The following RHOBTB1 variants were observed in gnomAD, a reference collection of about 807,000 sequenced individuals.
The protein encoded by RHOBTB1 is rho-related BTB domain-containing protein 1.
A neutral mutation model predicts 71.6 loss-of-function variants in RHOBTB1; 40 were observed. The observed-to-expected ratio is 0.56, with a 90% CI of 0.43 to 0.73. The LOEUF (loss-of-function observed/expected upper bound fraction) is 0.73. Among genes scored for constraint, RHOBTB1 ranks in the 30% least tolerant of loss-of-function variants. RHOBTB1 has a pLI of 0.00. For synonymous variants in RHOBTB1, 319 were observed against 334.9 expected, an observed-to-expected ratio of 0.95 and a Z score of 0.52; for missense variants, 797 against 894.0, an observed-to-expected ratio of 0.89 and a Z score of 1.38.
chr10:60,971,813 T>C, intron 2 of RHOBTB1, among the ~76,000 whole-genome samples: 1 of 152,056 alleles, frequency 6.6e-6, no homozygotes, highest in East Asian at 1.9e-4. Context: ...ACTGCTAATA[T>C]CCAGAATCTA....
chr10:60,922,683 C>T (rs1156374326), intron 2 of RHOBTB1, among the ~76,000 whole-genome samples: 3 of 152,216 alleles, frequency 2.0e-5, no homozygotes, highest in African/African-American at 7.2e-5. Flanking sequence ...TTCCCAGTGG[C>T]TCCAATAGGA....
At chr10:60,932,455 G>T (rs191212945) in intron 2 of RHOBTB1, among the ~76,000 whole-genome samples, 2 of 140,260 alleles carry the variant, frequency 1.4e-5, no homozygotes, top group Non-Finnish European at 3.0e-5. Flanking sequence ...TCATCAAGCT[G>T]TACATTTGCG....
chr10:60,947,966 G>A (rs551036911), upstream of RHOBTB1, among the ~76,000 whole-genome samples: 35 of 152,268 alleles, frequency 2.3e-4, no homozygotes, highest in African/African-American at 7.7e-4. Flanking sequence ...ATCCTCACTA[G>A]CATTTGTATT....
rs575469261 is a variant in RHOBTB1 at position 60,967,145 on chromosome 10, T to C, written c.-62+18700A>G. On this transcript the variant is annotated intron_variant, in intron 2 of 11. Coordinates refer to the RHOBTB1 transcript ENST00000357917. ...AGGTCGGAGACCTGAACGGTATGCA[T>C]TGGCCCTGTGAAAATCCAGGTAAAG... Among the ~76,000 whole-genome samples the C allele has an allele frequency of 4.1e-4, 62 of 152,066 alleles. 1 individual carries two copies. In the South Asian group the frequency reaches 6.9e-3, roughly 17 times the overall value.
At chr10:60,998,630 G>A (rs1478836958) in intron 1 of RHOBTB1, among the ~76,000 whole-genome samples, 1 of 152,054 alleles carries the variant, frequency 6.6e-6, no homozygotes, top group African/African-American at 2.4e-5. Flanking sequence ...GGAAGGGGGT[G>A]GAAAAAGGGG....
intron 1 of RHOBTB1, among the ~76,000 whole-genome samples, chr10:60,988,349 G>A (rs1050005606): frequency 6.6e-6 from 1 of 151,998 alleles, no homozygotes; most frequent in African/African-American, 2.4e-5. Context: ...TACATGTGCA[G>A]GTTTGTTACA....
intron 5 of RHOBTB1, among the ~76,000 whole-genome samples, chr10:60,891,786 C>T (rs77133633): frequency 0.06 from 9,050 of 152,050 alleles, 349 homozygotes; most frequent in East Asian, 0.098. Flanking sequence ...AACGTATTTC[C>T]CTCCACATGG....
intron 2 of RHOBTB1, among the ~76,000 whole-genome samples, chr10:60,914,209 G>A (rs567269079): frequency 1.3e-5 from 2 of 152,322 alleles, no homozygotes; most frequent in East Asian, 3.9e-4. Context: ...GAGGGGGCAG[G>A]GAGGAGGTCA....
chr10:60,879,825 C>A (rs1425688281), intron 7 of RHOBTB1, among the ~76,000 whole-genome samples: 1 of 152,136 alleles, frequency 6.6e-6, no homozygotes, highest in African/African-American at 2.4e-5. Context: ...CACTCAGGCA[C>A]ACACATGCAT....
At position 60,874,951 on chromosome 10, in the gene RHOBTB1, A is replaced by C; in HGVS notation, c.1815+3T>G. 1 of 1,610,450 alleles carries C rather than the reference A, an allele frequency of 6.2e-7. No individual in the cohort carries two copies. The highest frequency in any genetic ancestry group is 1.1e-5 in the South Asian group (1 of 91,002). ...AAAAGGTAAAAAGCAAACTGTTACA[A>C]ACCTGAGCCAATTCCAAGTAAGAGA... On this transcript the variant is annotated splice_donor_region_variant and intron_variant, in intron 9 of 10. Coordinates refer to ENST00000337910, the MANE Select transcript of RHOBTB1 (RefSeq NM_014836.5).
chr10:60,945,271 G>C (rs9787551), upstream of RHOBTB1, among the ~76,000 whole-genome samples: 138,815 of 152,196 alleles, frequency 0.91, 63,554 homozygotes, highest in East Asian at 1. Flanking sequence ...TTCAGCTACC[G>C]AGAGGAATGA....
chr10:60,874,976 A>AG lies in RHOBTB1; in HGVS notation c.1792dup (p.Leu598ProfsTer36). The AG allele has an allele frequency of 6.2e-7, 1 of 1,613,910 alleles. No individual in the cohort carries two copies. Among genetic ancestry groups the AG allele is most frequent in the Non-Finnish European group, 8.5e-7 (1 of 1,179,786 alleles). On this transcript the variant is annotated frameshift_variant, in exon 9 of 11. Coordinates refer to ENST00000337910, the MANE Select transcript of RHOBTB1 (RefSeq NM_014836.5). LOFTEE classifies it high-confidence loss of function. ...AACCTGAGCCAATTCCAAGTAAGAGAGCACTTCTCCGTCAATGCCCACGCC... is the reference window on the plus strand; with the variant it reads ...AACCTGAGCCAATTCCAAGTAAGAGAGGCACTTCTCCGTCAATGCCCACGCC...
intron 6 of RHOBTB1, among the ~76,000 whole-genome samples, chr10:60,887,742 A>G (rs1446103147): frequency 8.5e-5 from 13 of 152,176 alleles, no homozygotes; most frequent in Admixed American, 8.5e-4. Flanking sequence ...GAGATCACTG[A>G]TTTTTGTCAT....
chr10:60,999,377 G>T (rs1296475826), intron 1 of RHOBTB1, among the ~76,000 whole-genome samples: 1 of 152,150 alleles, frequency 6.6e-6, no homozygotes, highest in Non-Finnish European at 1.5e-5. Context: ...CAACAAAAAA[G>T]ATCCCTTGTA....
chr10:60,942,818 C>T (rs375131281), intron 1 of RHOBTB1, among the ~76,000 whole-genome samples: 3 of 151,854 alleles, frequency 2.0e-5, no homozygotes, highest in Admixed American at 1.3e-4. Context: ...ATCTGCTGCT[C>T]GTCAGAGGAC....
At chr10:60,945,049 C>A (rs138316357), upstream of RHOBTB1, among the ~76,000 whole-genome samples, 144 of 152,242 alleles carry the variant, frequency 9.5e-4, no homozygotes, top group African/African-American at 3.2e-3. Context: ...GAGGACAGAA[C>A]CAGGGGTAGT....
At chr10:60,862,548 T>C in the RHOBTB1 span, among the ~76,000 whole-genome samples, 1 of 151,480 alleles carries the variant, frequency 6.6e-6, no homozygotes, top group African/African-American at 2.4e-5. Flanking sequence ...CTTTCTTTCT[T>C]TCTTTCCTTT....
intron 2 of RHOBTB1, among the ~76,000 whole-genome samples, chr10:60,955,996 C>T (rs2085579118): frequency 6.6e-6 from 1 of 152,170 alleles, no homozygotes; most frequent in Admixed American, 6.6e-5. Flanking sequence ...TCTGGTAATA[C>T]AGTCATGCAT....
At chr10:60,929,476 T>G (rs1589338986) in intron 2 of RHOBTB1, among the ~76,000 whole-genome samples, 3 of 151,986 alleles carry the variant, frequency 2.0e-5, no homozygotes, top group African/African-American at 7.3e-5. Context: ...TCAAAGATAC[T>G]AGCGAAAACA....
Sources: allele counts gnomAD v4.1 joint callset (sites outside exome capture counted in the v4.1 genomes callset), GRCh38; gene constraint gnomAD v4.1.1; transcripts MANE v1.5; gene names NCBI Gene and HGNC (gene_info 2026-07-23, HGNC 2026-07-21).